EPS8: variants seen among roughly 807,000 people sequenced by gnomAD.
EPS8 encodes the protein EGFR pathway substrate 8, signaling adaptor.
A neutral mutation model predicts 103.8 loss-of-function variants in EPS8; 42 were observed. The ratio of observed to expected loss-of-function variants is 0.40; its 90% confidence interval spans 0.32 to 0.52. EPS8 has a LOEUF of 0.52. EPS8 is among the 20% of genes least tolerant of loss of function. The pLI, the probability that EPS8 is intolerant of heterozygous loss-of-function variation, is 0.40. For missense variants in EPS8, 969 were observed against 1,005.1 expected (o/e 0.96, Z 0.49); for synonymous variants, 344 against 344.6 (o/e 1.00, Z 0.02).
chr12:15,632,053 T>C (rs566310657), intron 17 of EPS8, among the ~76,000 whole-genome samples: 2 of 152,326 alleles, frequency 1.3e-5, no homozygotes, highest in South Asian at 4.1e-4. Flanking sequence ...GTCAACAGCA[T>C]AAAGCATCAC....
chr12:15,744,243 G>A (rs996430656), intron 1 of EPS8, among the ~76,000 whole-genome samples: 4 of 152,122 alleles, frequency 2.6e-5, no homozygotes, highest in Non-Finnish European at 5.9e-5. Context: ...TTCTAGAGTG[G>A]AGCTCAACAA....
intron 1 of EPS8, 142 bp from the exon 2 acceptor site, chr12:15,683,114 G>C (rs1946037988): frequency 2.0e-6 from 1 of 510,974 alleles, no homozygotes; most frequent in Non-Finnish European, 3.4e-6. Flanking sequence ...CCCTCAAAGA[G>C]CTCAGGCCCC....
At chr12:15,712,975 G>A in intron 1 of EPS8, 1 of 985,412 alleles carries the variant, frequency 1.0e-6, no homozygotes, top group Non-Finnish European at 1.2e-6. Context: ...GGGACTCTAA[G>A]CGTCAGTTTC....
rs1394355788 is a variant in EPS8 at position 15,752,592 on chromosome 12, TA to T, written c.-22+36568del. ...CAGGGGCCCAGAGTCAGAAACATTA[TA>T]TTGAGCCCCCAAATTATCTGAGAAA... On this transcript the variant is annotated intron_variant, in intron 1 of 20. Coordinates refer to ENST00000281172, the MANE Select transcript of EPS8 (RefSeq NM_004447.6). This position sits in a 1 kb window ranked among gnomAD's most constrained non-coding sequence, Gnocchi z 4.4. Among the ~76,000 whole-genome samples the T allele has an allele frequency of 2.0e-5, 3 of 152,074 alleles. No homozygotes were observed. Among genetic ancestry groups the T allele is most frequent in the Non-Finnish European group, 2.9e-5 (2 of 68,010 alleles).
intron 1 of EPS8, among the ~76,000 whole-genome samples, chr12:15,755,324 A>G (rs892282640): frequency 3.3e-5 from 5 of 152,120 alleles, no homozygotes; most frequent in Admixed American, 2.0e-4. Flanking sequence ...TATATATTCA[A>G]CAGATTAAAA....
chr12:15,710,376 A>C (rs1174597147), intron 1 of EPS8, among the ~76,000 whole-genome samples: 1 of 152,172 alleles, frequency 6.6e-6, no homozygotes, highest in Non-Finnish European at 1.5e-5. Context: ...TAATCAAGAA[A>C]ATGCACACAA....
Position 15,747,123 on chromosome 12 carries a change from T to C in EPS8, c.-22+42038A>G, listed in dbSNP as rs1306232424. ...GAACTACAAAGTAAAATTATCTCAATGCATAAAGCCAACCTAGTAACCCTC... is the reference window on the plus strand; with the variant it reads ...GAACTACAAAGTAAAATTATCTCAACGCATAAAGCCAACCTAGTAACCCTC... On this transcript the variant is annotated intron_variant, in intron 1 of 20. Transcript: ENST00000281172. The surrounding 1 kb of genome is among the most constrained non-coding windows in gnomAD (Gnocchi z 4.4). Among the ~76,000 whole-genome samples the C allele has an allele frequency of 6.6e-6, 1 of 152,238 alleles. No homozygotes were observed. Among genetic ancestry groups the C allele is most frequent in the Non-Finnish European group, 1.5e-5 (1 of 68,038 alleles).
chr12:15,740,188 T>C (rs185081504), intron 1 of EPS8, among the ~76,000 whole-genome samples: 45 of 152,220 alleles, frequency 3.0e-4, no homozygotes, highest in Non-Finnish European at 1.5e-5. Context: ...TATTAATAAC[T>C]AAAATCTTTA....
At chr12:15,694,595 G>T (rs1368713432) in intron 1 of EPS8, among the ~76,000 whole-genome samples, 2 of 152,038 alleles carry the variant, frequency 1.3e-5, no homozygotes, top group African/African-American at 4.8e-5. Flanking sequence ...CCAAAGAGAA[G>T]CCCATTTAAA....
chr12:15,722,596 A>C (rs1040156489), intron 1 of EPS8, among the ~76,000 whole-genome samples: 1 of 152,188 alleles, frequency 6.6e-6, no homozygotes. Flanking sequence ...GTCTTAGTGC[A>C]TTCAGACCGC....
At chr12:15,666,699 T>A (rs1393137783) in intron 6 of EPS8, among the ~76,000 whole-genome samples, 177 bp from the exon 7 acceptor site, 1 of 152,202 alleles carries the variant, frequency 6.6e-6, no homozygotes, top group Non-Finnish European at 1.5e-5. Context: ...TGGTGAACTA[T>A]ATAATGATAA....
At chr12:15,634,658 T>A (rs1945105418) in intron 17 of EPS8, 1 of 398,228 alleles carries the variant, frequency 2.5e-6, no homozygotes, top group Admixed American at 4.4e-5. Context: ...AGCTGGAACA[T>A]TTGGAGGGTG....
chr12:15,670,176 G>A (rs759757335), intron 4 of EPS8, among the ~76,000 whole-genome samples: 1 of 152,014 alleles, frequency 6.6e-6, no homozygotes, highest in African/African-American at 2.4e-5. Context: ...TTATTTAAAT[G>A]CTGAACATAG....
Position 15,696,809 on chromosome 12 carries a change from G to A in EPS8, c.-21-13837C>T, listed in dbSNP as rs112234187. On this transcript the variant is annotated intron_variant, in intron 1 of 20. Coordinates refer to ENST00000281172, the MANE Select transcript of EPS8 (RefSeq NM_004447.6). The surrounding 1 kb of genome is among the most constrained non-coding windows in gnomAD (Gnocchi z 4.8). The stretch of plus-strand genomic sequence containing the variant: ...TGCCAGGAATTACATTCCTAAACTC[G>A]GGCATGTGGAATTAAAACCAAGCAG... Among the ~76,000 whole-genome samples, 1 of 151,850 alleles carries A rather than the reference G, an allele frequency of 6.6e-6. No homozygotes were observed. The highest frequency in any genetic ancestry group is 1.5e-5 in the Non-Finnish European group (1 of 68,002).
At position 15,727,887 on chromosome 12, in the gene EPS8, T is replaced by C. The variant is rs1255682613; in HGVS notation, c.-21-44915A>G. ...AAAAATAAAATAAAATAAATAAGTC[T>C]AGTTTCCTTTACTAAGATGCTTTTA... On this transcript the variant is annotated intron_variant, in intron 1 of 20. Coordinates refer to ENST00000281172, the MANE Select transcript of EPS8 (RefSeq NM_004447.6). The surrounding 1 kb of genome is among the most constrained non-coding windows in gnomAD (Gnocchi z 4.3). Among the ~76,000 whole-genome samples, 2 of 152,116 alleles carry C rather than the reference T, an allele frequency of 1.3e-5. No homozygotes were observed. The highest frequency in any genetic ancestry group is 4.8e-5 in the African/African-American group (2 of 41,440).
intron 3 of EPS8, among the ~76,000 whole-genome samples, chr12:15,675,856 A>G (rs991278015): frequency 6.6e-6 from 1 of 152,238 alleles, no homozygotes; most frequent in African/African-American, 2.4e-5. Context: ...TGGAAAGTCT[A>G]TCTATTCAGA....
chr12:15,780,085 T>G lies in EPS8; in HGVS notation c.-22+9076A>C, dbSNP rs1488749649. 6.6e-6 allele frequency: 1 copy of G among 152,210 alleles called. No homozygotes were observed. Among genetic ancestry groups the G allele is most frequent in the East Asian group, 1.9e-4 (1 of 5,194 alleles). The allele number at this position is 152,210 out of a possible 1,614,324, so 9.4% of individuals were successfully genotyped here. A position where few individuals can be genotyped will look rare whatever the true frequency, so the allele number is the denominator to read the frequency against. On this transcript the variant is annotated intron_variant, in intron 1 of 20. Transcript: ENST00000281172. This position sits in a 1 kb window ranked among gnomAD's most constrained non-coding sequence, Gnocchi z 4.1. ...AAAAAGAACACATGAATTTGTTTGC[T>G]ACATAAAGAGCTACATTTAGAAGGC...
In EPS8 at chr12:15,731,290, A is replaced by G. The variant is rs1415374739; in HGVS notation, c.-21-48318T>C. Among the ~76,000 whole-genome samples, 1 of 152,076 alleles carries G rather than the reference A, an allele frequency of 6.6e-6. No individual in the cohort carries two copies. The highest frequency in any genetic ancestry group is 1.5e-5 in the Non-Finnish European group (1 of 67,994). ...AACTTTAATAAGCCTTCCACCATTA[A>G]AAATATTTAATTGACTTTTTTTTTT... On this transcript the variant is annotated intron_variant, in intron 1 of 20. Transcript: ENST00000281172. This position sits in a 1 kb window ranked among gnomAD's most constrained non-coding sequence, Gnocchi z 5.1.
chr12:15,771,788 A>T lies in EPS8; in HGVS notation c.-22+17373T>A, dbSNP rs1947157391. 6.6e-6 allele frequency among the ~76,000 whole-genome samples: 1 copy of T among 152,156 alleles called. No individual in the cohort carries two copies. Among genetic ancestry groups the T allele is most frequent in the African/African-American group, 2.4e-5 (1 of 41,432 alleles). Reference sequence around the variant, plus strand: ...ACTATTTTTGTGGCTAACTCATTACAAAGAATTCTTTGTGGCAGTATTGAG... The same window carrying T: ...ACTATTTTTGTGGCTAACTCATTACTAAGAATTCTTTGTGGCAGTATTGAG... On this transcript the variant is annotated intron_variant, in intron 1 of 20. Coordinates refer to ENST00000281172, the MANE Select transcript of EPS8 (RefSeq NM_004447.6). The surrounding 1 kb of genome is among the most constrained non-coding windows in gnomAD (Gnocchi z 4.6).
Sources: allele counts gnomAD v4.1 joint callset (sites outside exome capture counted in the v4.1 genomes callset), GRCh38; gene constraint gnomAD v4.1.1; non-coding constraint Gnocchi (gnomAD v3.1); transcripts MANE v1.5; gene names NCBI Gene and HGNC (gene_info 2026-07-23, HGNC 2026-07-21).